Variants in ARAP1 observed in about 807,000 individuals in gnomAD.
ARAP1 encodes the protein ArfGAP with RhoGAP domain, ankyrin repeat and PH domain 1.
Under a neutral mutation model 172.2 loss-of-function variants are expected in ARAP1, and 76 were observed. That is an observed-to-expected ratio of 0.44 (90% CI 0.37 to 0.53). The LOEUF (loss-of-function observed/expected upper bound fraction) is 0.53, where lower values mean the gene tolerates loss of function less well. Among genes scored for constraint, ARAP1 ranks in the 20% least tolerant of loss-of-function variants. The probability of loss-of-function intolerance (pLI) is 0.00; values close to 1 mark genes in which losing one functional copy is unlikely to be tolerated. For missense variants in ARAP1, 1,686 were observed against 1,977.5 expected, an observed-to-expected ratio of 0.85 and a Z score of 2.80; for synonymous variants, 804 against 803.3, an observed-to-expected ratio of 1.00 and a Z score of -0.01.
intron 30 of ARAP1, among the ~76,000 whole-genome samples, chr11:72,689,704 G>T (rs1381344651): frequency 1.3e-5 from 2 of 152,154 alleles, no homozygotes; most frequent in East Asian, 3.9e-4. Flanking sequence ...CTTTTACCCC[G>T]ATACCTGCTG....
At chr11:72,687,659 T>G (rs1333433644) in intron 32 of ARAP1, 29 bp downstream of exon 32, 1 of 1,614,176 alleles carries the variant, frequency 6.2e-7, no homozygotes, top group South Asian at 1.1e-5. Flanking sequence ...TTCCTCAGCC[T>G]GGGATCTCAG....
intron 1 of ARAP1, among the ~76,000 whole-genome samples, chr11:72,738,295 G>A (rs917729655): frequency 1.3e-5 from 2 of 152,166 alleles, no homozygotes; most frequent in African/African-American, 4.8e-5. Flanking sequence ...TCTGCTGACC[G>A]TGTGGGTGTG....
At chr11:72,737,633 T>G (rs1858073293) in intron 1 of ARAP1, among the ~76,000 whole-genome samples, 1 of 152,118 alleles carries the variant, frequency 6.6e-6, no homozygotes, top group Non-Finnish European at 1.5e-5. Context: ...TTGTTCTTTT[T>G]TTTTTTTTTG....
At chr11:72,748,563 C>G (rs1464256870) in intron 1 of ARAP1, among the ~76,000 whole-genome samples, 1 of 152,038 alleles carries the variant, frequency 6.6e-6, no homozygotes, top group Non-Finnish European at 1.5e-5. Flanking sequence ...TCACTTAACT[C>G]CACGTCCCCT....
chr11:72,752,179 C>G (rs558795680), intron 1 of ARAP1, 149 bp downstream of exon 1: 6 of 152,280 alleles, frequency 3.9e-5, no homozygotes, highest in African/African-American at 1.4e-4. Context: ...GGCGACCCCC[C>G]CATCACGCCC....
In ARAP1 at chr11:72,711,105, T is replaced by C. The variant is rs1433871030; in HGVS notation, c.1129A>G (p.Ile377Val). 6.2e-7 allele frequency: 1 copy of C among 1,614,210 alleles called. No individual in the cohort carries two copies. The highest frequency in any genetic ancestry group is 1.1e-5 in the South Asian group (1 of 91,088). ...YSKRFISVAC[I>V]SHVAAIGDQK... is the part of the protein sequence containing the mutation. Reference sequence around the variant, plus strand: ...TCCCCGATGGCAGCCACGTGGGAGATGCAGGCCACAGAGATAAAGCGCTTA... The same window carrying C: ...TCCCCGATGGCAGCCACGTGGGAGACGCAGGCCACAGAGATAAAGCGCTTA... The change falls in exon 9 of 35, where the codon ATC becomes GTC. Residue 377 changes from isoleucine (I) to valine (V), a missense_variant. Around this residue, in one of 5 missense-constraint regions of ARAP1, gnomAD observed 688 missense variants for 856.9 expected, o/e 0.80. Coordinates refer to ENST00000393609, the MANE Select transcript of ARAP1 (RefSeq NM_001040118.3).
In ARAP1 at chr11:72,726,826, C is replaced by A. The variant is rs369594352; in HGVS notation, c.303G>T (p.Pro101=). 76 of 1,565,406 alleles carry A rather than the reference C, an allele frequency of 4.9e-5. No individual in the cohort carries two copies. Among genetic ancestry groups the A allele is most frequent in the Non-Finnish European group, 6.6e-5 (76 of 1,155,682 alleles). Residue 101 remains proline, a synonymous_variant, in exon 3 of 35, where the codon CCG becomes CCT. Transcript: ENST00000393609. This position sits in a 1 kb window ranked among gnomAD's most constrained non-coding sequence, Gnocchi z 6.5. ...SPPVPATPPE[P]LPTTTEDEGL... The stretch of plus-strand genomic sequence containing the variant: ...CCTCATCCTCTGTAGTGGTGGGCAG[C>A]GGCTCGGGTGGAGTGGCAGGCACAG...
chr11:72,729,344 C>T (rs1417697022), intron 2 of ARAP1, among the ~76,000 whole-genome samples: 1 of 152,178 alleles, frequency 6.6e-6, no homozygotes, highest in Non-Finnish European at 1.5e-5. Flanking sequence ...ATAATCCCAG[C>T]ACTTAGGGAT....
intron 1 of ARAP1, among the ~76,000 whole-genome samples, chr11:72,750,785 C>T (rs1444593369): frequency 6.6e-6 from 1 of 152,176 alleles, no homozygotes; most frequent in Non-Finnish European, 1.5e-5. Context: ...CATGGCTCTG[C>T]AGGCCCCATC....
intron 34 of ARAP1, 46 bp from the exon 35 acceptor site, chr11:72,685,727 G>T (rs1855641943): frequency 6.2e-7 from 1 of 1,613,102 alleles, no homozygotes; most frequent in Non-Finnish European, 8.5e-7. Context: ...AAGGCCCAGA[G>T]GGGCTGGCGC....
At chr11:72,701,808 A>G (rs1259090672) in intron 15 of ARAP1, 25 bp from the exon 16 acceptor site, 3 of 1,610,880 alleles carry the variant, frequency 1.9e-6, no homozygotes, top group Non-Finnish European at 1.7e-6. Flanking sequence ...AAAGGATGGC[A>G]GGTCATGCTG....
chr11:72,750,661 A>C (rs950277048), intron 1 of ARAP1, among the ~76,000 whole-genome samples: 2 of 152,218 alleles, frequency 1.3e-5, no homozygotes, highest in Non-Finnish European at 2.9e-5. Context: ...GCCAGGGCTG[A>C]TCACTCCATC....
intron 15 of ARAP1, 40 bp downstream of exon 15, chr11:72,702,865 C>T: frequency 6.5e-7 from 1 of 1,547,598 alleles, no homozygotes; most frequent in South Asian, 1.2e-5. Flanking sequence ...CCACCAGGCA[C>T]TGCACAGCCT....
At chr11:72,717,671 A>T (rs1857340064) in intron 3 of ARAP1, among the ~76,000 whole-genome samples, 1 of 152,198 alleles carries the variant, frequency 6.6e-6, no homozygotes, top group South Asian at 2.1e-4. Context: ...ACCTGGATTC[A>T]TTAATTGTGT....
At chr11:72,729,932 A>G (rs1027248981) in intron 2 of ARAP1, among the ~76,000 whole-genome samples, 21 of 152,106 alleles carry the variant, frequency 1.4e-4, no homozygotes, top group Non-Finnish European at 3.1e-4. Flanking sequence ...CTAAAAAAAA[A>G]AAAAAAAAAT....
chr11:72,717,629 G>A (rs1857338508), intron 3 of ARAP1, among the ~76,000 whole-genome samples: 1 of 152,128 alleles, frequency 6.6e-6, no homozygotes, highest in Non-Finnish European at 1.5e-5. Flanking sequence ...CCTCATTGGG[G>A]TAACTCCAGC....
At chr11:72,733,104 A>C (rs1279528031) in intron 1 of ARAP1, among the ~76,000 whole-genome samples, 1 of 152,224 alleles carries the variant, frequency 6.6e-6, no homozygotes, top group Non-Finnish European at 1.5e-5. Context: ...CAGAAGTCAG[A>C]CCAGAGGAAG....
chr11:72,696,707 C>T lies in ARAP1; in HGVS notation c.3167-53G>A, dbSNP rs542660046. 1.9e-5 allele frequency: 28 copies of T among 1,462,954 alleles called. No individual in the cohort carries two copies. The Admixed American group carries it at 3.7e-4, about 20-fold the overall frequency. 90.6% of individuals were successfully genotyped at this position (1,462,954 alleles called of 1,614,324 possible). A position where few individuals can be genotyped will look rare whatever the true frequency, so the allele number is the denominator to read the frequency against. On this transcript the variant is annotated intron_variant, in intron 22 of 34. Transcript: ENST00000393609. The stretch of plus-strand genomic sequence containing the variant: ...AAACCCCCTGTAACTATCTTCCCCC[C>T]ACCCCGCCTGGGCTGCTGTGCCTCT...
At chr11:72,713,471 C>T (rs7125221) in intron 4 of ARAP1, among the ~76,000 whole-genome samples, 102,542 of 152,110 alleles carry the variant, frequency 0.67, 35,481 homozygotes, top group African/African-American at 0.83. Context: ...CAAGGAGGTC[C>T]GAGCCAGTGG....
Sources: allele counts gnomAD v4.1 joint callset (sites outside exome capture counted in the v4.1 genomes callset), GRCh38; gene constraint gnomAD v4.1.1; regional missense constraint gnomAD v4.1.1; non-coding constraint Gnocchi (gnomAD v3.1); transcripts MANE v1.5; gene names NCBI Gene and HGNC (gene_info 2026-07-23, HGNC 2026-07-21).